The following NCALD variants were observed in gnomAD, a reference collection of about 807,000 sequenced individuals.
The protein encoded by NCALD is neurocalcin delta.
Under a neutral mutation model 18.6 loss-of-function variants are expected in NCALD, and 10 were observed. The ratio of observed to expected loss-of-function variants is 0.54; its 90% CI spans 0.33 to 0.91. The LOEUF is 0.91. Among genes scored for constraint, NCALD ranks in the 40% least tolerant of loss-of-function variants. The pLI is 0.03. For synonymous variants in NCALD, 88 were observed against 87.4 expected, an observed-to-expected ratio of 1.01 and a Z score of -0.04; for missense variants, 184 against 247.6, an observed-to-expected ratio of 0.74 and a Z score of 1.72.
intron 1 of NCALD, among the ~76,000 whole-genome samples, chr8:102,043,748 G>GA (rs34555112): frequency 6.9e-6 from 1 of 145,156 alleles, no homozygotes; most frequent in African/African-American, 2.6e-5. Context: ...TGGGGAAAGG[G>GA]AAGGGGAAGG....
intron 2 of NCALD, among the ~76,000 whole-genome samples, chr8:101,695,943 C>A (rs1394184785): frequency 1.3e-5 from 2 of 152,138 alleles, no homozygotes; most frequent in Non-Finnish European, 2.9e-5. Flanking sequence ...TTATAAAGTT[C>A]CCCTTTATCC....
At chr8:101,781,825 C>T (rs1418618971) in intron 1 of NCALD, among the ~76,000 whole-genome samples, 1 of 151,862 alleles carries the variant, frequency 6.6e-6, no homozygotes, top group African/African-American at 2.4e-5. Flanking sequence ...ATGTTATATA[C>T]ACTTTTTTGC....
At chr8:101,860,001 A>G (rs1286283762) in intron 4 of NCALD, among the ~76,000 whole-genome samples, 1 of 152,236 alleles carries the variant, frequency 6.6e-6, no homozygotes, top group Non-Finnish European at 1.5e-5. Context: ...ATGATAGGTT[A>G]TTATTTTTTA....
chr8:102,120,430 G>C (rs1199072095), intron 1 of NCALD, among the ~76,000 whole-genome samples: 1 of 152,182 alleles, frequency 6.6e-6, no homozygotes, highest in Non-Finnish European at 1.5e-5. Context: ...GCAATGCCGG[G>C]ATGGAGACTT....
chr8:101,959,298 T>C (rs1819750999), intron 2 of NCALD, among the ~76,000 whole-genome samples: 2 of 152,144 alleles, frequency 1.3e-5, no homozygotes, highest in African/African-American at 2.4e-5. Context: ...GCATCTTTGG[T>C]GGTAACATCC....
chr8:101,734,485 G>A (rs1346703085), intron 1 of NCALD, among the ~76,000 whole-genome samples: 1 of 152,176 alleles, frequency 6.6e-6, no homozygotes, highest in Non-Finnish European at 1.5e-5. Flanking sequence ...TTGTATCCCT[G>A]GCACCTAACG....
chr8:101,873,052 T>G (rs1816086259), intron 4 of NCALD, among the ~76,000 whole-genome samples: 1 of 152,192 alleles, frequency 6.6e-6, no homozygotes. Context: ...TCCTCTCACT[T>G]TTCTGCTGCT....
chr8:101,739,595 G>T (rs983954527), intron 1 of NCALD, among the ~76,000 whole-genome samples: 7 of 152,208 alleles, frequency 4.6e-5, no homozygotes, highest in Admixed American at 4.6e-4. Flanking sequence ...GGAAGGACTA[G>T]GCTTGATGAG....
At chr8:101,899,266 T>C (rs923877229) in intron 3 of NCALD, among the ~76,000 whole-genome samples, 1 of 151,998 alleles carries the variant, frequency 6.6e-6, no homozygotes, top group African/African-American at 2.4e-5. Context: ...AACTCATTTA[T>C]TAGTTCTAAG....
At chr8:102,116,316 C>A (rs1187446815) in intron 1 of NCALD, among the ~76,000 whole-genome samples, 4 of 152,090 alleles carry the variant, frequency 2.6e-5, no homozygotes, top group African/African-American at 4.8e-5. Flanking sequence ...TGTCAAGGAA[C>A]CTAGAATCCA....
At chr8:101,793,957 G>A (rs1812541907), upstream of NCALD, among the ~76,000 whole-genome samples, 1 of 152,140 alleles carries the variant, frequency 6.6e-6, no homozygotes, top group Admixed American at 6.5e-5. Context: ...TTTGTACATA[G>A]GGATGTTGCT....
In NCALD at chr8:101,689,781, C is replaced by T. The variant is rs1258754786; in HGVS notation, c.485-375G>A. ...CTCAGCATTTGTAAAGCAAGTGGCCCTCCTGCATTTATGAGAATGAGCTGG... is the reference window on the plus strand; with the variant it reads ...CTCAGCATTTGTAAAGCAAGTGGCCTTCCTGCATTTATGAGAATGAGCTGG... On this transcript the variant is annotated intron_variant, in intron 3 of 3. Coordinates refer to ENST00000220931, the MANE Select transcript of NCALD (RefSeq NM_032041.3). The surrounding 1 kb of genome is among the most constrained non-coding windows in gnomAD (Gnocchi z 4.4). Among the ~76,000 whole-genome samples, 2 of 152,168 alleles carry T rather than the reference C, an allele frequency of 1.3e-5. No homozygotes were observed. Among genetic ancestry groups the T allele is most frequent in the Non-Finnish European group, 2.9e-5 (2 of 68,034 alleles).
rs779946582 is a variant in NCALD, at chr8:102,061,259, C to A, written c.-209-40970G>T. Among the ~76,000 whole-genome samples, 45 of 152,134 alleles carry A rather than the reference C, an allele frequency of 3.0e-4. 1 individual carries two copies. Among genetic ancestry groups the A allele is most frequent in the Non-Finnish European group, 6.5e-4 (44 of 68,024 alleles). On this transcript the variant is annotated intron_variant, in intron 1 of 6. Coordinates refer to the NCALD transcript ENST00000311028. The stretch of plus-strand genomic sequence containing the variant: ...AGACACCCACTTACGGGTAGGAGCC[C>A]CCCAGGGTGAATGGATAATCTCTTT...
intron 3 of NCALD, chr8:101,691,459 A>G: frequency 1.0e-6 from 1 of 985,292 alleles, no homozygotes; most frequent in Non-Finnish European, 1.2e-6. Flanking sequence ...TTAGGGCTTT[A>G]TCCTGTGACA....
chr8:101,851,069 A>C (rs960891466), intron 4 of NCALD, among the ~76,000 whole-genome samples: 1 of 152,218 alleles, frequency 6.6e-6, no homozygotes, highest in African/African-American at 2.4e-5. Flanking sequence ...CATGTTTAGT[A>C]AATCTTAAAG....
chr8:101,749,731 C>A (rs1237310034), intron 1 of NCALD, among the ~76,000 whole-genome samples: 1 of 152,312 alleles, frequency 6.6e-6, no homozygotes, highest in East Asian at 1.9e-4. Context: ...ACTGATATCA[C>A]TGGGTGAGCC....
intron 2 of NCALD, among the ~76,000 whole-genome samples, chr8:101,700,353 C>T (rs183468781): frequency 2.0e-5 from 3 of 152,284 alleles, no homozygotes; most frequent in African/African-American, 4.8e-5. Flanking sequence ...TGTGCCTGGC[C>T]GCTCTCTCTT....
Position 101,687,022 on chromosome 8 carries a change from C to G in NCALD, c.*2287G>C, listed in dbSNP as rs940889741. 3 of 151,908 alleles carry G rather than the reference C, an allele frequency of 2.0e-5. No individual in the cohort carries two copies. The highest frequency in any genetic ancestry group is 4.4e-5 in the Non-Finnish European group (3 of 68,016). 9.4% of individuals were successfully genotyped at this position (151,908 alleles called of 1,614,324 possible). On this transcript the variant is annotated 3_prime_UTR_variant, in exon 4 of 4. Coordinates refer to ENST00000220931, the MANE Select transcript of NCALD (RefSeq NM_032041.3). Reference sequence around the variant, plus strand: ...AGACAGGGTCAGTGGCAGGCCAGGACAGGGACTATTTCTATACATTCTGGA... The same window carrying G: ...AGACAGGGTCAGTGGCAGGCCAGGAGAGGGACTATTTCTATACATTCTGGA...
chr8:101,983,567 A>G (rs779761163), intron 2 of NCALD, among the ~76,000 whole-genome samples: 2 of 152,234 alleles, frequency 1.3e-5, no homozygotes, highest in Non-Finnish European at 2.9e-5. Context: ...TTTGTGAAAC[A>G]AACATTAACT....
Sources: allele counts gnomAD v4.1 joint callset (sites outside exome capture counted in the v4.1 genomes callset), GRCh38; gene constraint gnomAD v4.1.1; non-coding constraint Gnocchi (gnomAD v3.1); transcripts MANE v1.5; gene names NCBI Gene and HGNC (gene_info 2026-07-23, HGNC 2026-07-21).